The following IL1RAPL2 variants were observed in gnomAD, a reference collection of about 807,000 sequenced individuals.
IL1RAPL2 encodes the protein X-linked interleukin-1 receptor accessory protein-like 2.
Under a neutral mutation model 44.1 loss-of-function variants are expected in IL1RAPL2, and 3 were observed. That is an observed-to-expected ratio of 0.07 (90% confidence interval 0.03 to 0.18). The LOEUF (loss-of-function observed/expected upper bound fraction) is 0.18, where lower values mean the gene tolerates loss of function less well. Among genes scored for constraint, IL1RAPL2 ranks in the 10% least tolerant of loss-of-function variants. The pLI is 1.00. For synonymous variants in IL1RAPL2, 181 were observed against 178.8 expected, an observed-to-expected ratio of 1.01 and a Z score of -0.10; for missense variants, 391 against 496.4, an observed-to-expected ratio of 0.79 and a Z score of 2.02.
At chrX:105,001,066 C>T (rs958350344) in intron 2 of IL1RAPL2, among the ~76,000 whole-genome samples, 1 of 111,283 alleles carries the variant, frequency 9.0e-6, no homozygotes, top group Non-Finnish European at 1.9e-5. Context: ...TCCTTGTGAC[C>T]AAATTCCTGC....
intron 2 of IL1RAPL2, among the ~76,000 whole-genome samples, chrX:105,035,959 T>C (rs997644309): frequency 1.8e-5 from 2 of 111,996 alleles, no homozygotes; most frequent in Non-Finnish European, 3.8e-5. Context: ...GCATTGCTTT[T>C]TTTTGTATAA....
chrX:105,765,689 T>TAA (rs748960362), intron 10 of IL1RAPL2, among the ~76,000 whole-genome samples: 37 of 112,796 alleles, frequency 3.3e-4, no homozygotes, highest in Non-Finnish European at 6.2e-4. Flanking sequence ...TTTTCACTTG[T>TAA]AAAAGTTTTC....
intron 2 of IL1RAPL2, among the ~76,000 whole-genome samples, chrX:105,014,664 A>C (rs904914127): frequency 8.9e-6 from 1 of 112,352 alleles, no homozygotes; most frequent in African/African-American, 3.2e-5. Flanking sequence ...TTATGGCTGC[A>C]TAGTATTCCA....
At chrX:105,026,244 C>T (rs1406434903) in intron 2 of IL1RAPL2, among the ~76,000 whole-genome samples, 1 of 110,542 alleles carries the variant, frequency 9.0e-6, no homozygotes, top group Non-Finnish European at 1.9e-5. Flanking sequence ...TGCTTGGGAC[C>T]AGAAGTGTTT....
At chrX:105,314,490 C>A (rs1466187170) in intron 5 of IL1RAPL2, among the ~76,000 whole-genome samples, 1 of 111,852 alleles carries the variant, frequency 8.9e-6, no homozygotes, top group Non-Finnish European at 1.9e-5. Flanking sequence ...CGGATCACAC[C>A]ACAAATTAGA....
intron 3 of IL1RAPL2, among the ~76,000 whole-genome samples, chrX:105,199,119 C>A (rs111616051): frequency 4.5e-5 from 5 of 111,284 alleles, no homozygotes; most frequent in African/African-American, 1.6e-4. Context: ...CTCTCCCTTT[C>A]CCCACTTACT....
At chrX:104,836,296 AT>A (rs1280519039) in intron 2 of IL1RAPL2, among the ~76,000 whole-genome samples, 1 of 110,233 alleles carries the variant, frequency 9.1e-6, no homozygotes, top group Non-Finnish European at 1.9e-5. Context: ...GGAGATGGGG[AT>A]GTTTAATGGG....
chrX:104,785,004 A>G, intron 2 of IL1RAPL2, among the ~76,000 whole-genome samples: 1 of 110,752 alleles, frequency 9.0e-6, no homozygotes, highest in Non-Finnish European at 1.9e-5. Context: ...CTGGACTTCA[A>G]GGATTATCGC....
At chrX:105,034,459 G>T (rs748338211) in intron 2 of IL1RAPL2, among the ~76,000 whole-genome samples, 1 of 112,424 alleles carries the variant, frequency 8.9e-6, no homozygotes, top group Non-Finnish European at 1.9e-5. Context: ...ACCCTCAGCT[G>T]CAGGTCTGTT....
chrX:104,746,546 G>A (rs1179185193), intron 2 of IL1RAPL2, among the ~76,000 whole-genome samples: 1 of 111,475 alleles, frequency 9.0e-6, no homozygotes, highest in Non-Finnish European at 1.9e-5. Flanking sequence ...GAGTGACACT[G>A]GACAAGAGAG....
intron 2 of IL1RAPL2, among the ~76,000 whole-genome samples, chrX:104,854,329 C>T (rs1029347962): frequency 2.7e-5 from 3 of 110,902 alleles, no homozygotes; most frequent in African/African-American, 9.9e-5. Context: ...AAGACTCATT[C>T]AAAACTTTCA....
chrX:104,873,444 T>C (rs985684491), intron 2 of IL1RAPL2, among the ~76,000 whole-genome samples: 1 of 112,033 alleles, frequency 8.9e-6, no homozygotes, highest in East Asian at 2.8e-4. Context: ...GGTTAAGTTA[T>C]GTTGCAGTAA....
intron 2 of IL1RAPL2, among the ~76,000 whole-genome samples, chrX:104,946,252 A>C (rs1602842237): frequency 1.0e-5 from 1 of 99,822 alleles, no homozygotes; most frequent in East Asian, 3.2e-4. Flanking sequence ...GGGCGCCTGT[A>C]GTCCCAGCTA....
At chrX:105,362,503 A>T (rs2035254954) in intron 5 of IL1RAPL2, among the ~76,000 whole-genome samples, 1 of 110,846 alleles carries the variant, frequency 9.0e-6, no homozygotes, top group Non-Finnish European at 1.9e-5. Flanking sequence ...GGGGGTAGGA[A>T]GTTTTATAAA....
At chrX:104,683,704 G>C (rs1421694001) in intron 2 of IL1RAPL2, among the ~76,000 whole-genome samples, 1 of 112,636 alleles carries the variant, frequency 8.9e-6, no homozygotes, top group Admixed American at 9.4e-5. Flanking sequence ...GCAACAATCT[G>C]ATCAATTGCT....
At chrX:105,441,386 C>T (rs1010789152) in intron 5 of IL1RAPL2, among the ~76,000 whole-genome samples, 1 of 111,803 alleles carries the variant, frequency 8.9e-6, no homozygotes. Flanking sequence ...TTTGGTGTAA[C>T]TACCACATCA....
chrX:105,607,958 T>C (rs1350484366), intron 6 of IL1RAPL2, among the ~76,000 whole-genome samples: 2 of 110,873 alleles, frequency 1.8e-5, no homozygotes, highest in Admixed American at 9.7e-5. Flanking sequence ...GTGAAGATGG[T>C]ATAAAGAGCT....
chrX:105,745,405 C>T (rs764250403), intron 8 of IL1RAPL2, among the ~76,000 whole-genome samples: 18 of 111,713 alleles, frequency 1.6e-4, no homozygotes, highest in Non-Finnish European at 3.0e-4. Context: ...TGTCTTAGTC[C>T]ATTTGGGCTG....
intron 6 of IL1RAPL2, among the ~76,000 whole-genome samples, chrX:105,656,810 T>C (rs1411983497): frequency 2.7e-5 from 3 of 111,440 alleles, no homozygotes; most frequent in African/African-American, 9.8e-5. Context: ...AAATCAAGAG[T>C]CTTGGTTTTA....
Sources: gnomAD v4.1 joint callset for allele counts (sites outside exome capture counted in the v4.1 genomes callset) on GRCh38, gnomAD v4.1.1 for gene constraint, MANE v1.5 for transcripts, NCBI Gene and HGNC (gene_info 2026-07-23, HGNC 2026-07-21) for gene names.